The following COL21A1 variants were observed in gnomAD, a reference collection of about 807,000 sequenced individuals.
The protein encoded by COL21A1 is collagen type XXI alpha 1 chain, also known as collagen alpha-1(XXI) chain.
Under a neutral mutation model 137.9 loss-of-function variants are expected in COL21A1, and 149 were observed. The ratio of observed to expected loss-of-function variants is 1.08; its 90% CI spans 0.95 to 1.24. The LOEUF (loss-of-function observed/expected upper bound fraction) is 1.24, where lower values mean the gene tolerates loss of function less well. Ranked by LOEUF, COL21A1 falls within the 50% of genes most tolerant of loss-of-function variation. The pLI is 0.00. For missense variants in COL21A1, 1,167 were observed against 1,158.4 expected (o/e 1.01, Z -0.11); for synonymous variants, 456 against 391.5 (o/e 1.16, Z -1.95).
At chr6:56,212,198 A>G (rs1446328444) in intron 1 of COL21A1, among the ~76,000 whole-genome samples, 3 of 151,990 alleles carry the variant, frequency 2.0e-5, no homozygotes, top group Admixed American at 2.0e-4. Flanking sequence ...AGCCTTGTAT[A>G]ATTGATTTGT....
At chr6:56,106,760 A>G (rs1770938114) in intron 16 of COL21A1, among the ~76,000 whole-genome samples, 1 of 152,158 alleles carries the variant, frequency 6.6e-6, no homozygotes. Context: ...CTGAAACAAA[A>G]TACTGTAACC....
chr6:56,075,525 A>C lies in COL21A1; in HGVS notation c.1865T>G (p.Ile622Ser), dbSNP rs1266646075. 8.6e-6 allele frequency: 13 copies of C among 1,519,158 alleles called. No homozygotes were observed. The Admixed American group carries it at 1.6e-4, about 19-fold the overall frequency. 94.1% of individuals were successfully genotyped at this position (1,519,158 alleles called of 1,614,324 possible). The change falls in exon 19 of 30, where the codon ATT (isoleucine) becomes AGT (serine). Residue 622 changes from isoleucine (I) to serine (S), a missense_variant. Coordinates refer to ENST00000244728, the MANE Select transcript of COL21A1 (RefSeq NM_030820.4). ...TTTTCCTTGCTGTCCTGGAGGCCCA[A>C]TTTCTCCCTAAAAAAATCAAACATT... ...NRGLMGQKGE[I>S]GPPGQQGKKG...
chr6:56,279,850 C>T (rs1177080695), intron 1 of COL21A1, among the ~76,000 whole-genome samples: 2 of 152,180 alleles, frequency 1.3e-5, no homozygotes, highest in African/African-American at 4.8e-5. Context: ...TTCCCTTTAT[C>T]TGTAAGACTA....
intron 12 of COL21A1, chr6:56,126,763 T>C (rs1773081029): frequency 6.6e-6 from 1 of 152,190 alleles, no homozygotes; most frequent in Admixed American, 6.5e-5. Flanking sequence ...TGCTTTAGCT[T>C]CAAAATCTTA....
chr6:56,148,802 G>A (rs1469874225), intron 10 of COL21A1, among the ~76,000 whole-genome samples: 2 of 152,082 alleles, frequency 1.3e-5, no homozygotes, highest in East Asian at 3.9e-4. Flanking sequence ...TTTCAAAGTA[G>A]CATCTCTTGT....
intron 17 of COL21A1, among the ~76,000 whole-genome samples, chr6:56,081,625 A>G (rs1177306377): frequency 6.6e-6 from 1 of 151,870 alleles, no homozygotes; most frequent in Non-Finnish European, 1.5e-5. Context: ...AACTATAGGG[A>G]GAAGTAACTT....
chr6:56,253,981 C>T (rs1782915231), intron 1 of COL21A1, among the ~76,000 whole-genome samples: 1 of 152,148 alleles, frequency 6.6e-6, no homozygotes, highest in Non-Finnish European at 1.5e-5. Flanking sequence ...AAAAAAATCA[C>T]AAATATACAC....
At chr6:56,264,101 G>A (rs536530240) in intron 1 of COL21A1, among the ~76,000 whole-genome samples, 23 of 152,090 alleles carry the variant, frequency 1.5e-4, no homozygotes, top group Admixed American at 5.9e-4. Flanking sequence ...CATATTTATC[G>A]TATGTCTTTA....
At chr6:56,126,854 A>G (rs1773088388) in intron 12 of COL21A1, among the ~76,000 whole-genome samples, 2 of 152,324 alleles carry the variant, frequency 1.3e-5, no homozygotes, top group Admixed American at 6.5e-5. Flanking sequence ...TAGACAAATT[A>G]AGATTACACA....
intron 14 of COL21A1, among the ~76,000 whole-genome samples, chr6:56,124,530 A>C (rs1214386634): frequency 1.3e-5 from 2 of 152,200 alleles, no homozygotes; most frequent in African/African-American, 2.4e-5. Flanking sequence ...CATAGAAATA[A>C]CATCTTGGCA....
In COL21A1 at chr6:56,215,437, A is replaced by C. The variant is rs548261250; in HGVS notation, c.-39+31950T>G. 5.9e-5 allele frequency among the ~76,000 whole-genome samples: 9 copies of C among 152,192 alleles called. No individual in the cohort carries two copies. The South Asian group carries it at 1.4e-3, about 25-fold the overall frequency. ...TCACCTGGCAGTGCAACTATGGATCAAGATGGAAATGTTTCTGGAGATTTG... is the reference window on the plus strand; with the variant it reads ...TCACCTGGCAGTGCAACTATGGATCCAGATGGAAATGTTTCTGGAGATTTG... On this transcript the variant is annotated intron_variant, in intron 1 of 29. Transcript: ENST00000244728.
rs1042542212 is a variant in COL21A1, at chr6:56,330,323, G to C, written c.-39+63648C>G. Among the ~76,000 whole-genome samples, 42 of 151,994 alleles carry C rather than the reference G, an allele frequency of 2.8e-4. 1 individual carries two copies. Among genetic ancestry groups the C allele is most frequent in the Non-Finnish European group, 2.9e-5 (2 of 67,966 alleles). ...AAATAGTTGTAAATAAACACAGAGA[G>C]AATACATTTTTAAACACTAAAAACG... On this transcript the variant is annotated intron_variant, in intron 1 of 28. Transcript: ENST00000370819.
At chr6:56,082,036 T>C (rs1413907833) in intron 17 of COL21A1, among the ~76,000 whole-genome samples, 2 of 151,986 alleles carry the variant, frequency 1.3e-5, no homozygotes, top group Non-Finnish European at 2.9e-5. Flanking sequence ...CCTAAAGGCA[T>C]TTCTACATTT....
At chr6:56,203,783 G>A (rs1027781281) in intron 1 of COL21A1, among the ~76,000 whole-genome samples, 2 of 152,206 alleles carry the variant, frequency 1.3e-5, no homozygotes, top group African/African-American at 4.8e-5. Flanking sequence ...ATCTCACTGG[G>A]ACTGGTTGGA....
rs9464367 is a variant in COL21A1 at position 56,239,091 on chromosome 6, A to T, written c.-39+8296T>A. On this transcript the variant is annotated intron_variant, in intron 1 of 29. Transcript: ENST00000244728. ...CCATACAACACTCATAATCTTAGCT[A>T]TTACTCTATATGGCCTCAATGTATT... 5.1e-3 allele frequency among the ~76,000 whole-genome samples: 771 copies of T among 152,298 alleles called. 6 individuals carry two copies. Among genetic ancestry groups the T allele is most frequent in the African/African-American group, 0.018 (737 of 41,572 alleles).
intron 9 of COL21A1, among the ~76,000 whole-genome samples, chr6:56,157,864 A>G (rs1775874340): frequency 6.6e-6 from 1 of 152,196 alleles, no homozygotes. Flanking sequence ...AAGTCCCATA[A>G]TTCTTGAATA....
At chr6:56,304,716 TTG>T (rs1764395238) in intron 1 of COL21A1, among the ~76,000 whole-genome samples, 1 of 152,212 alleles carries the variant, frequency 6.6e-6, no homozygotes, top group Non-Finnish European at 1.5e-5. Flanking sequence ...GAAGGGTTTT[TTG>T]TGTCTCTATT....
chr6:56,230,579 T>G (rs1416865058), intron 1 of COL21A1, among the ~76,000 whole-genome samples: 2 of 151,894 alleles, frequency 1.3e-5, no homozygotes, highest in Non-Finnish European at 2.9e-5. Context: ...ACATAAAGTA[T>G]TGTCATGTTT....
At chr6:56,250,900 A>G (rs1782838736), upstream of COL21A1, among the ~76,000 whole-genome samples, 1 of 152,218 alleles carries the variant, frequency 6.6e-6, no homozygotes, top group African/African-American at 2.4e-5. Flanking sequence ...AAATTTACAA[A>G]CTAGGAAAAA....
Sources: allele counts gnomAD v4.1 joint callset (sites outside exome capture counted in the v4.1 genomes callset), GRCh38; gene constraint gnomAD v4.1.1; transcripts MANE v1.5; gene names NCBI Gene and HGNC (gene_info 2026-07-23, HGNC 2026-07-21).